Variants in SCRIB observed in about 807,000 individuals in gnomAD.
SCRIB encodes scribble planar cell polarity protein.
SCRIB carries 72 observed loss-of-function variants against 170.0 expected under a neutral mutation model. The observed-to-expected ratio is 0.42, with a 90% CI of 0.35 to 0.52. The LOEUF (loss-of-function observed/expected upper bound fraction) is 0.52, where lower values mean the gene tolerates loss of function less well. Ranked by LOEUF, SCRIB falls within the 20% of genes least tolerant of loss-of-function variation. The pLI is 0.02. For synonymous variants in SCRIB, 1,298 were observed against 1,044.3 expected, an observed-to-expected ratio of 1.24 and a Z score of -4.68; for missense variants, 2,475 against 2,338.5, an observed-to-expected ratio of 1.06 and a Z score of -1.20.
chr8:143,812,748 C>T, intron 8 of SCRIB, 69 bp downstream of exon 8: 1 of 1,552,116 alleles, frequency 6.4e-7, no homozygotes, highest in Non-Finnish European at 8.7e-7. Flanking sequence ...ACACACAGCC[C>T]CGACGCCCCA....
At chr8:143,800,571 G>A (rs1554634815) in intron 24 of SCRIB, among the ~76,000 whole-genome samples, 1 of 152,236 alleles carries the variant, frequency 6.6e-6, no homozygotes, top group African/African-American at 2.4e-5. Context: ...CTAGAGAAAA[G>A]CTCGACATAA....
chr8:143,810,856 A>G (rs2130126169), intron 11 of SCRIB, 40 bp from the exon 12 acceptor site: 2 of 1,606,784 alleles, frequency 1.2e-6, no homozygotes, highest in Non-Finnish European at 1.7e-6. Context: ...TAGTCCCCAA[A>G]CCCTGCCTGA....
At chr8:143,813,611 C>T (rs1385246642) in intron 4 of SCRIB, 26 bp downstream of exon 4, 2 of 1,612,748 alleles carry the variant, frequency 1.2e-6, no homozygotes, top group South Asian at 1.1e-5. Flanking sequence ...CCACCCCACC[C>T]TAGTTCCACC....
chr8:143,807,753 T>C, intron 15 of SCRIB, 139 bp from the exon 16 acceptor site: 1 of 728,222 alleles, frequency 1.4e-6, no homozygotes, highest in Admixed American at 2.0e-5. Flanking sequence ...CACGGGCGCC[T>C]CCATCCTGGA....
rs1816054981 is a variant in SCRIB, at chr8:143,815,561, C to T, written c.-189G>A. On this transcript the variant is annotated 5_prime_UTR_variant, in exon 1 of 37. Coordinates refer to ENST00000356994, the MANE Select transcript of SCRIB (RefSeq NM_182706.5). ...GCCCGCGCTCGGAACGCTCGGACTGCGGGCCTGGGCAGGGGGCGCGGCCCG... is the reference window on the plus strand; with the variant it reads ...GCCCGCGCTCGGAACGCTCGGACTGTGGGCCTGGGCAGGGGGCGCGGCCCG... The T allele has an allele frequency of 1.0e-6, 1 of 978,586 alleles. No homozygotes were observed. Among genetic ancestry groups the T allele is most frequent in the South Asian group, 4.7e-5 (1 of 21,144 alleles). The allele number at this position is 978,586 out of a possible 1,614,324, so 60.6% of individuals were successfully genotyped here.
Position 143,815,643 on chromosome 8 carries a change from C to G in SCRIB, c.-271G>C, listed in dbSNP as rs1816062401. The G allele has an allele frequency of 1.0e-6, 1 of 982,860 alleles. No homozygotes were observed. The highest frequency in any genetic ancestry group is 1.1e-4 in the East Asian group (1 of 8,810). 60.9% of individuals were successfully genotyped at this position (982,860 alleles called of 1,614,324 possible). On this transcript the variant is annotated 5_prime_UTR_variant, in exon 1 of 37. Coordinates refer to ENST00000356994, the MANE Select transcript of SCRIB (RefSeq NM_182706.5). ...GCGGCGGCGGCGGCGGCTCCGCATC[C>G]CGCTTGGTCCTGCTCAGCTCGTCCC...
At chr8:143,798,274 A>C (rs1185544315) in intron 24 of SCRIB, among the ~76,000 whole-genome samples, 1 of 152,162 alleles carries the variant, frequency 6.6e-6, no homozygotes, top group African/African-American at 2.4e-5. Context: ...AACAAAAAAC[A>C]GATTTTTAAA....
intron 16 of SCRIB, 133 bp from the exon 17 acceptor site, chr8:143,807,146 T>C: frequency 1.4e-6 from 1 of 694,328 alleles, no homozygotes; most frequent in Non-Finnish European, 2.5e-6. Context: ...CTCATGCCAC[T>C]CACCAGCCAG....
chr8:143,815,662 T>C lies in SCRIB; in HGVS notation c.-290A>G, dbSNP rs1816063777. On this transcript the variant is annotated 5_prime_UTR_variant, in exon 1 of 37. Coordinates refer to ENST00000356994, the MANE Select transcript of SCRIB (RefSeq NM_182706.5). ...CGCATCCCGCTTGGTCCTGCTCAGC[T>C]CGTCCCGCCCGCTCGTCCGCCCGCT... 1.0e-6 allele frequency: 1 copy of C among 982,974 alleles called. No homozygotes were observed. The highest frequency in any genetic ancestry group is 6.2e-5 in the Admixed American group (1 of 16,078). 60.9% of individuals were successfully genotyped at this position (982,974 alleles called of 1,614,324 possible). A position where few individuals can be genotyped will look rare whatever the true frequency, so the allele number is the denominator to read the frequency against.
chr8:143,802,817 G>GCCTC (rs1815229681), intron 24 of SCRIB, among the ~76,000 whole-genome samples: 3 of 152,256 alleles, frequency 2.0e-5, no homozygotes, highest in African/African-American at 7.2e-5. Context: ...TCCCCGTCTG[G>GCCTC]GCTTCTGCTC....
intron 21 of SCRIB, 59 bp downstream of exon 21, chr8:143,804,509 G>C (rs534335925): frequency 6.8e-7 from 1 of 1,464,676 alleles, no homozygotes; most frequent in Admixed American, 2.4e-5. Context: ...CAGGTCCTGG[G>C]AAGGCCAGTG....
intron 31 of SCRIB, 22 bp from the exon 32 acceptor site, chr8:143,792,427 C>A: frequency 6.6e-7 from 1 of 1,504,400 alleles, no homozygotes. Context: ...ACAGGACGTG[C>A]TGTGGGGGGC....
At position 143,805,319 on chromosome 8, in the gene SCRIB, G is replaced by T; in HGVS notation, c.2463C>A (p.Asn821Lys). The T allele has an allele frequency of 6.5e-7, 1 of 1,545,212 alleles. No homozygotes were observed. The highest frequency in any genetic ancestry group is 8.7e-7 in the Non-Finnish European group (1 of 1,151,218). Reference protein sequence around the residue: ...VWRERMVEPENAVTITPLRPE... With the variant: ...VWRERMVEPEKAVTITPLRPE... ...GCCGCAGCGGCGTGATGGTGACCGC[G>T]TTCTCAGGCTCCACCATGCGCTCCC... Residue 821 changes from asparagine to lysine, a missense_variant, in exon 19 of 37, where the codon AAC (asparagine) becomes AAA (lysine). Coordinates refer to ENST00000356994, the MANE Select transcript of SCRIB (RefSeq NM_182706.5).
intron 1 of SCRIB, 193 bp downstream of exon 1, chr8:143,815,021 G>C: frequency 1.6e-6 from 1 of 606,986 alleles, no homozygotes; most frequent in South Asian, 2.5e-5. Context: ...GCAAGCACCT[G>C]ATGACCGCTG....
Position 143,791,088 on chromosome 8 carries a change from T to TAA in SCRIB, c.*73_*74dup, listed in dbSNP as rs1400721300. 11 of 1,346,440 alleles carry TAA rather than the reference T, an allele frequency of 8.2e-6. No individual in the cohort carries two copies. Among genetic ancestry groups the TAA allele is most frequent in the Non-Finnish European group, 1.0e-5 (11 of 1,048,792 alleles). The allele number at this position is 1,346,440 out of a possible 1,614,324, so 83.4% of individuals were successfully genotyped here. A position where few individuals can be genotyped will look rare whatever the true frequency, so the allele number is the denominator to read the frequency against. On this transcript the variant is annotated 3_prime_UTR_variant, in exon 37 of 37. Transcript: ENST00000356994. ...CTCTTTAAAATGCTAACACCCAGGT[T>TAA]AAAAGACTTGGGGCAAGGGTGGTGC... is the stretch of plus-strand genomic sequence containing the variant.
rs1360129001 is a variant in SCRIB, at chr8:143,807,023, G to C, written c.2179-10C>G. Reference sequence around the variant, plus strand: ...GGATAGTGAGGGTCAGCTGGAAACAGAACAGACAGGGTGTCTAGAAGGGCC... The same window carrying C: ...GGATAGTGAGGGTCAGCTGGAAACACAACAGACAGGGTGTCTAGAAGGGCC... On this transcript the variant is annotated splice_polypyrimidine_tract_variant and intron_variant, in intron 16 of 36. Coordinates refer to ENST00000356994, the MANE Select transcript of SCRIB (RefSeq NM_182706.5). 3.7e-6 allele frequency: 6 copies of C among 1,602,018 alleles called. No individual in the cohort carries two copies. In the South Asian group the frequency reaches 5.6e-5, roughly 15 times the overall value.
Position 143,811,267 on chromosome 8 carries a change from G to A in SCRIB, c.985C>T (p.Pro329Ser). 1 of 1,612,294 alleles carries A rather than the reference G, an allele frequency of 6.2e-7. No homozygotes were observed. Among genetic ancestry groups the A allele is most frequent in the Non-Finnish European group, 8.5e-7 (1 of 1,179,696 alleles). ...VDRNHLEALP[P>S]EIGGCVALSV... Reference sequence around the variant, plus strand: ...AGTGCCACACAGCCCCCGATCTCGGGCGGCAGCGCCTCGAGGTGGTTCCGG... The same window carrying A: ...AGTGCCACACAGCCCCCGATCTCGGACGGCAGCGCCTCGAGGTGGTTCCGG... The change falls in exon 10 of 37, where the codon CCC becomes TCC. Residue 329 changes from proline to serine, a missense_variant. By Grantham distance (74) the Pro-to-Ser change is moderately conservative. Around this residue, in one of 3 missense-constraint regions of SCRIB, gnomAD observed 487 missense variants for 558.1 expected, o/e 0.87. Transcript: ENST00000356994.
Position 143,792,419 on chromosome 8 carries a change from A to AGGACGT in SCRIB, c.4329-20_4329-15dup. 1 of 1,502,370 alleles carries AGGACGT rather than the reference A, an allele frequency of 6.7e-7. No individual in the cohort carries two copies. Among genetic ancestry groups the AGGACGT allele is most frequent in the Non-Finnish European group, 8.9e-7 (1 of 1,127,808 alleles). 93.1% of individuals were successfully genotyped at this position (1,502,370 alleles called of 1,614,324 possible). On this transcript the variant is annotated splice_polypyrimidine_tract_variant and intron_variant, in intron 31 of 36. Coordinates refer to ENST00000356994, the MANE Select transcript of SCRIB (RefSeq NM_182706.5). Reference sequence around the variant, plus strand: ...GCCGGGCTCTGCCTGGGGAAGGGACAGGACGTGCTGTGGGGGGCAGGGGCA... The same window carrying AGGACGT: ...GCCGGGCTCTGCCTGGGGAAGGGACAGGACGTGGACGTGCTGTGGGGGGCAGGGGCA...
intron 3 of SCRIB, 40 bp from the exon 4 acceptor site, chr8:143,813,766 A>G (rs1397025898): frequency 6.2e-7 from 1 of 1,611,168 alleles, no homozygotes; most frequent in South Asian, 1.1e-5. Context: ...TGACCAGTCC[A>G]GGGCTGTGGG....
Sources: allele counts gnomAD v4.1 joint callset (sites outside exome capture counted in the v4.1 genomes callset), GRCh38; gene constraint gnomAD v4.1.1; regional missense constraint gnomAD v4.1.1; transcripts MANE v1.5; gene names NCBI Gene and HGNC (gene_info 2026-07-23, HGNC 2026-07-21).